GRM8: variants seen among roughly 807,000 people sequenced by gnomAD.
The protein encoded by GRM8 is glutamate metabotropic receptor 8.
In GRM8, 47 loss-of-function variants were observed where a neutral mutation model predicts 87.2. That is an observed-to-expected ratio of 0.54 (90% confidence interval 0.43 to 0.69). GRM8 has a LOEUF of 0.69. GRM8 is among the 30% of genes least tolerant of loss of function. The probability of loss-of-function intolerance (pLI) is 0.00; values close to 1 mark genes in which losing one functional copy is unlikely to be tolerated. For missense variants in GRM8, 1,019 were observed against 1,139.2 expected (o/e 0.89, Z 1.52); for synonymous variants, 396 against 404.5 (o/e 0.98, Z 0.25).
intron 2 of GRM8, among the ~76,000 whole-genome samples, chr7:127,204,318 T>C (rs1795785027): frequency 6.6e-6 from 1 of 152,214 alleles, no homozygotes; most frequent in Non-Finnish European, 1.5e-5. Flanking sequence ...TTCTCAACTT[T>C]ACTGTACCAA....
At chr7:127,013,764 G>C (rs1268947294) in intron 3 of GRM8, among the ~76,000 whole-genome samples, 1 of 152,100 alleles carries the variant, frequency 6.6e-6, no homozygotes, top group Non-Finnish European at 1.5e-5. Flanking sequence ...TGTGAACTAA[G>C]AGGGAACTCT....
At chr7:126,840,338 T>A (rs535355547) in intron 6 of GRM8, among the ~76,000 whole-genome samples, 4 of 152,336 alleles carry the variant, frequency 2.6e-5, no homozygotes, top group Non-Finnish European at 4.4e-5. Flanking sequence ...TACCTTTTTA[T>A]TTAAAAGCTA....
At chr7:126,780,603 G>A (rs529318808) in intron 6 of GRM8, among the ~76,000 whole-genome samples, 8 of 152,150 alleles carry the variant, frequency 5.3e-5, no homozygotes, top group Non-Finnish European at 8.8e-5. Flanking sequence ...AAGGGAAGTA[G>A]AGGGGAGCAC....
intron 7 of GRM8, among the ~76,000 whole-genome samples, chr7:126,686,803 T>C (rs1034960489): frequency 6.6e-6 from 1 of 152,106 alleles, no homozygotes; most frequent in Non-Finnish European, 1.5e-5. Context: ...CCAGTGAAAA[T>C]TCAGGCAAAG....
At chr7:126,584,748 G>T (rs1186382752) in intron 8 of GRM8, among the ~76,000 whole-genome samples, 1 of 151,874 alleles carries the variant, frequency 6.6e-6, no homozygotes, top group Non-Finnish European at 1.5e-5. Context: ...TTCCGCTTAG[G>T]CCTGTTTTAG....
At chr7:127,078,476 C>T (rs1438438644) in intron 3 of GRM8, among the ~76,000 whole-genome samples, 1 of 152,148 alleles carries the variant, frequency 6.6e-6, no homozygotes, top group African/African-American at 2.4e-5. Context: ...AGAAGAGTGG[C>T]GATTATCATG....
At chr7:126,574,843 T>C (rs1158385543) in intron 8 of GRM8, among the ~76,000 whole-genome samples, 1 of 152,146 alleles carries the variant, frequency 6.6e-6, no homozygotes, top group Non-Finnish European at 1.5e-5. Flanking sequence ...ATACCATTGA[T>C]CGACCTGACT....
At chr7:127,001,685 T>C (rs543873782) in intron 3 of GRM8, among the ~76,000 whole-genome samples, 9 of 151,696 alleles carry the variant, frequency 5.9e-5, no homozygotes, top group African/African-American at 2.2e-4. Flanking sequence ...ATGTCTGCCA[T>C]ATGACCCAAC....
intron 7 of GRM8, among the ~76,000 whole-genome samples, chr7:126,710,224 G>A (rs1473944877): frequency 6.6e-6 from 1 of 152,154 alleles, no homozygotes; most frequent in Non-Finnish European, 1.5e-5. Context: ...AATGTTGATG[G>A]CTGCTGACTG....
chr7:126,579,985 T>C (rs1172304310), intron 8 of GRM8, among the ~76,000 whole-genome samples: 3 of 152,056 alleles, frequency 2.0e-5, no homozygotes, highest in Non-Finnish European at 2.9e-5. Context: ...AAAACGTGCT[T>C]ATCCCATATG....
intron 8 of GRM8, among the ~76,000 whole-genome samples, chr7:126,590,403 G>T (rs531760594): frequency 1.3e-5 from 2 of 151,960 alleles, no homozygotes; most frequent in African/African-American, 4.8e-5. Context: ...CCAAACCTAA[G>T]AATAATTGGT....
At chr7:126,796,860 T>A (rs1032583736) in intron 6 of GRM8, among the ~76,000 whole-genome samples, 5 of 152,076 alleles carry the variant, frequency 3.3e-5, no homozygotes, top group African/African-American at 1.2e-4. Context: ...CTTGTCTCAA[T>A]TCTAGGCATT....
intron 3 of GRM8, among the ~76,000 whole-genome samples, chr7:126,912,625 T>C (rs151205463): frequency 0.012 from 1,871 of 152,342 alleles, 34 homozygotes; most frequent in African/African-American, 0.043. Context: ...GGCAGCTCTC[T>C]GTAGCCAGGG....
intron 7 of GRM8, among the ~76,000 whole-genome samples, chr7:126,730,687 T>C (rs1168440486): frequency 6.6e-6 from 1 of 152,114 alleles, no homozygotes; most frequent in South Asian, 2.1e-4. Context: ...AAAGATATAG[T>C]GCGATAAACA....
At position 126,728,372 on chromosome 7, in the gene GRM8, C is replaced by T. The variant is rs571340271; in HGVS notation, c.1357+41493G>A. On this transcript the variant is annotated intron_variant, in intron 7 of 10. Transcript: ENST00000339582. Reference sequence around the variant, plus strand: ...TTTGCTTCCTGAAGAAATATGGACCCCAGCTGGCTGGCTCACAGCGGGAGT... The same window carrying T: ...TTTGCTTCCTGAAGAAATATGGACCTCAGCTGGCTGGCTCACAGCGGGAGT... Among the ~76,000 whole-genome samples the T allele has an allele frequency of 8.5e-5, 13 of 152,262 alleles. No homozygotes were observed. The South Asian group carries it at 2.7e-3, about 32-fold the overall frequency.
chr7:127,129,152 A>G (rs1432393446), intron 2 of GRM8, among the ~76,000 whole-genome samples: 1 of 152,204 alleles, frequency 6.6e-6, no homozygotes, highest in African/African-American at 2.4e-5. Flanking sequence ...CATAGCAGGA[A>G]CCCGGCTAAA....
chr7:126,598,183 TTA>T (rs1378499217), intron 8 of GRM8, among the ~76,000 whole-genome samples: 3 of 151,074 alleles, frequency 2.0e-5, no homozygotes, highest in African/African-American at 7.3e-5. Context: ...TTATTTTCAG[TTA>T]TTATTTAAAT....
At chr7:126,658,279 T>C (rs2151271827) in intron 7 of GRM8, among the ~76,000 whole-genome samples, 1 of 152,278 alleles carries the variant, frequency 6.6e-6, no homozygotes, top group South Asian at 2.1e-4. Context: ...AGCTAAATGT[T>C]GGTGAACTCA....
intron 7 of GRM8, among the ~76,000 whole-genome samples, chr7:126,630,186 TTTAA>T (rs764620453): frequency 1.3e-5 from 2 of 151,844 alleles, no homozygotes; most frequent in Non-Finnish European, 2.9e-5. Context: ...AAGCACTTAT[TTTAA>T]TTAATTAGTC....
Sources: gnomAD v4.1 joint callset for allele counts (sites outside exome capture counted in the v4.1 genomes callset) on GRCh38, gnomAD v4.1.1 for gene constraint, MANE v1.5 for transcripts, NCBI Gene and HGNC (gene_info 2026-07-23, HGNC 2026-07-21) for gene names.